KLHL32: variants seen among roughly 807,000 people sequenced by gnomAD.
KLHL32 encodes the protein kelch like family member 32, also known as kelch-like protein 32.
KLHL32 carries 35 observed loss-of-function variants against 64.8 expected under a neutral mutation model. The ratio of observed to expected loss-of-function variants is 0.54; its 90% CI spans 0.41 to 0.72. KLHL32 has a LOEUF of 0.72. Among genes scored for constraint, KLHL32 ranks in the 30% least tolerant of loss-of-function variants. The pLI, the probability that KLHL32 is intolerant of heterozygous loss-of-function variation, is 0.00. For missense variants in KLHL32, 589 were observed against 768.5 expected (o/e 0.77, Z 2.76); for synonymous variants, 259 against 281.0 (o/e 0.92, Z 0.78).
rs765102153 is a variant in KLHL32 at position 97,114,230 on chromosome 6, A to G, written c.1075A>G (p.Ser359Gly). 1 of 1,614,122 alleles carries G rather than the reference A, an allele frequency of 6.2e-7. No individual in the cohort carries two copies. Among genetic ancestry groups the G allele is most frequent in the Non-Finnish European group, 8.5e-7 (1 of 1,180,014 alleles). Residue 359 changes from serine to glycine, a missense_variant, in exon 7 of 11, where the codon AGT (serine) becomes GGT (glycine). By Grantham distance (56) the Ser-to-Gly change is moderately conservative. Around this residue, in one of 3 missense-constraint regions of KLHL32, gnomAD observed 226 missense variants for 353.2 expected, o/e 0.64. Coordinates refer to ENST00000369261, the MANE Select transcript of KLHL32 (RefSeq NM_052904.4). The part of the protein sequence containing the change: ...FVAGGEVEHA[S>G]GRTCAVRTAC... Reference sequence around the variant, plus strand: ...GGCAGGAGGGGAAGTTGAGCATGCCAGTGGCCGGACGTGTGCTGTGAGGAC... The same window carrying G: ...GGCAGGAGGGGAAGTTGAGCATGCCGGTGGCCGGACGTGTGCTGTGAGGAC...
At chr6:97,024,196 CA>C (rs1782398975) in intron 3 of KLHL32, among the ~76,000 whole-genome samples, 1 of 152,194 alleles carries the variant, frequency 6.6e-6, no homozygotes, top group Non-Finnish European at 1.5e-5. Flanking sequence ...CCAAATTAAG[CA>C]GTCAACCTGG....
At chr6:97,019,075 A>G (rs567559447) in intron 3 of KLHL32, among the ~76,000 whole-genome samples, 39 of 152,226 alleles carry the variant, frequency 2.6e-4, no homozygotes, top group Non-Finnish European at 2.8e-4. Flanking sequence ...AGAAATCTGT[A>G]ACAAAATTGA....
At chr6:96,980,955 C>T (rs963289818) in intron 3 of KLHL32, among the ~76,000 whole-genome samples, 1 of 149,344 alleles carries the variant, frequency 6.7e-6, no homozygotes, top group Non-Finnish European at 1.5e-5. Context: ...GGGAAGCAAA[C>T]ATGTCATTCT....
chr6:97,063,417 G>A (rs1177790239), intron 4 of KLHL32, among the ~76,000 whole-genome samples: 1 of 152,254 alleles, frequency 6.6e-6, no homozygotes, highest in African/African-American at 2.4e-5. Context: ...CAAGAGGGGA[G>A]AATTGCAGGC....
chr6:97,111,033 G>C lies in KLHL32; in HGVS notation c.628-2750G>C, dbSNP rs376709728. Among the ~76,000 whole-genome samples the C allele has an allele frequency of 1.6e-3, 242 of 151,172 alleles. 2 individuals are homozygous for C. The highest frequency in any genetic ancestry group is 4.9e-3 in the African/African-American group (198 of 40,570). The stretch of plus-strand genomic sequence containing the variant: ...GAAAGATACCACAGAAAAGTCTTGG[G>C]GGGGGGGGGTCTTAGCCAACCACCT... On this transcript the variant is annotated intron_variant, in intron 6 of 10. Transcript: ENST00000369261.
rs533241800 is a variant in KLHL32 at position 97,069,031 on chromosome 6, G to T, written c.411+4305G>T. Among the ~76,000 whole-genome samples the T allele has an allele frequency of 2.6e-5, 4 of 152,278 alleles. No homozygotes were observed. The East Asian group carries it at 5.8e-4, about 22-fold the overall frequency. ...ATCATTGTAAGGGAAACAGAGAAGG[G>T]GGGGGTCTGTTGCATTTGTTTTGTT... is the stretch of plus-strand genomic sequence containing the variant. On this transcript the variant is annotated intron_variant, in intron 5 of 10. Coordinates refer to ENST00000369261, the MANE Select transcript of KLHL32 (RefSeq NM_052904.4).
At chr6:96,936,158 A>C (rs9481137) in intron 1 of KLHL32, among the ~76,000 whole-genome samples, 4 of 152,212 alleles carry the variant, frequency 2.6e-5, no homozygotes, top group Admixed American at 6.5e-5. Context: ...AAATATAATT[A>C]AGAAATTATA....
chr6:97,116,932 A>C (rs1429761681), intron 7 of KLHL32, among the ~76,000 whole-genome samples: 1 of 152,236 alleles, frequency 6.6e-6, no homozygotes, highest in Non-Finnish European at 1.5e-5. Flanking sequence ...TAATGAAAAC[A>C]ATCACAATTT....
At chr6:97,069,308 TAG>T (rs1207861384) in intron 5 of KLHL32, among the ~76,000 whole-genome samples, 6 of 152,248 alleles carry the variant, frequency 3.9e-5, no homozygotes, top group Non-Finnish European at 8.8e-5. Flanking sequence ...CAGTGAAAAT[TAG>T]TTATTTTCTC....
rs982992878 is a variant in KLHL32 at position 97,082,506 on chromosome 6, G to A, written c.412-2620G>A. Among the ~76,000 whole-genome samples, 8 of 152,088 alleles carry A rather than the reference G, an allele frequency of 5.3e-5. 1 individual carries two copies. Among genetic ancestry groups the A allele is most frequent in the East Asian group, 3.9e-4 (2 of 5,170 alleles). On this transcript the variant is annotated intron_variant, in intron 5 of 10. Transcript: ENST00000369261. ...CGGGCGCCTGTAGTCCCAGCTACTCGGGAGGCTGAAGCAGGAGAATGGCAT... is the reference window on the plus strand; with the variant it reads ...CGGGCGCCTGTAGTCCCAGCTACTCAGGAGGCTGAAGCAGGAGAATGGCAT...
chr6:96,937,506 C>T (rs907736582), intron 1 of KLHL32, among the ~76,000 whole-genome samples: 11 of 152,130 alleles, frequency 7.2e-5, no homozygotes, highest in African/African-American at 2.4e-4. Context: ...GTGTGTCTGT[C>T]GGGCAACAAT....
chr6:97,131,761 G>C (rs918242072), intron 9 of KLHL32, among the ~76,000 whole-genome samples: 2 of 152,128 alleles, frequency 1.3e-5, no homozygotes, highest in East Asian at 3.9e-4. Context: ...GGCAACGCTG[G>C]GAATCTAATC....
chr6:97,130,304 T>C (rs1256223509), intron 8 of KLHL32, among the ~76,000 whole-genome samples: 1 of 152,222 alleles, frequency 6.6e-6, no homozygotes, highest in African/African-American at 2.4e-5. Flanking sequence ...AGATATTAAG[T>C]AAATTGCTCA....
chr6:97,024,231 G>C (rs1782404967), intron 3 of KLHL32, among the ~76,000 whole-genome samples: 2 of 152,188 alleles, frequency 1.3e-5, no homozygotes, highest in Admixed American at 1.3e-4. Context: ...GGCTGTTACA[G>C]AGCCTCACAT....
At chr6:97,122,670 T>C (rs1562361250) in intron 7 of KLHL32, among the ~76,000 whole-genome samples, 2 of 152,196 alleles carry the variant, frequency 1.3e-5, no homozygotes, top group African/African-American at 4.8e-5. Flanking sequence ...AAGAAATTTT[T>C]ATAAACAGCT....
intron 6 of KLHL32, among the ~76,000 whole-genome samples, chr6:97,097,776 T>C (rs1795187297): frequency 6.6e-6 from 1 of 152,194 alleles, no homozygotes; most frequent in Non-Finnish European, 1.5e-5. Flanking sequence ...TCCATTCCGA[T>C]TGTGCAGTGG....
intron 5 of KLHL32, among the ~76,000 whole-genome samples, chr6:97,084,745 C>G (rs1049166491): frequency 6.6e-6 from 1 of 152,124 alleles, no homozygotes; most frequent in Non-Finnish European, 1.5e-5. Flanking sequence ...CCTGCCCTTA[C>G]GTTATCTTTA....
chr6:97,121,922 AGCT>A (rs916304056), intron 7 of KLHL32, among the ~76,000 whole-genome samples: 2 of 152,238 alleles, frequency 1.3e-5, no homozygotes, highest in African/African-American at 2.4e-5. Context: ...AGCACAGCAA[AGCT>A]GGGACATGAA....
intron 6 of KLHL32, among the ~76,000 whole-genome samples, chr6:97,104,625 A>G (rs1325130092): frequency 1.3e-5 from 2 of 152,184 alleles, no homozygotes; most frequent in Non-Finnish European, 2.9e-5. Context: ...TAGAAGAAAA[A>G]ATAGCCTATG....
Sources: allele counts gnomAD v4.1 joint callset (sites outside exome capture counted in the v4.1 genomes callset), GRCh38; gene constraint gnomAD v4.1.1; regional missense constraint gnomAD v4.1.1; transcripts MANE v1.5; gene names NCBI Gene and HGNC (gene_info 2026-07-23, HGNC 2026-07-21).